OSBPL11: variants seen among roughly 807,000 people sequenced by gnomAD.
The protein encoded by OSBPL11 is oxysterol binding protein like 11.
OSBPL11 carries 33 observed loss-of-function variants against 84.4 expected under a neutral mutation model. The observed-to-expected ratio is 0.39, with a 90% CI of 0.30 to 0.52. The LOEUF is 0.52. Ranked by LOEUF, OSBPL11 falls within the 20% of genes least tolerant of loss-of-function variation. The pLI is 0.72. For synonymous variants in OSBPL11, 276 were observed against 310.2 expected (o/e 0.89, Z 1.16); for missense variants, 736 against 901.1 (o/e 0.82, Z 2.35).
At chr3:125,538,664 C>T (rs1361143358) in intron 10 of OSBPL11, 31 bp from the exon 11 acceptor site, 1 of 1,558,982 alleles carries the variant, frequency 6.4e-7, no homozygotes, top group South Asian at 1.2e-5. Flanking sequence ...AAGATATGCT[C>T]TAATAAGTGA....
chr3:125,534,228 A>T (rs894598760), intron 11 of OSBPL11, among the ~76,000 whole-genome samples: 2 of 151,998 alleles, frequency 1.3e-5, no homozygotes, highest in African/African-American at 2.4e-5. Flanking sequence ...TAAAAATATA[A>T]AAAAATTAGC....
At chr3:125,545,623 T>G (rs35077020) in intron 10 of OSBPL11, among the ~76,000 whole-genome samples, 10,167 of 152,088 alleles carry the variant, frequency 0.067, 459 homozygotes, top group Non-Finnish European at 0.098. Context: ...TATATATGTG[T>G]GTGTGTGTGC....
intron 4 of OSBPL11, among the ~76,000 whole-genome samples, chr3:125,577,460 C>T (rs1936342315): frequency 6.6e-6 from 1 of 152,054 alleles, no homozygotes; most frequent in African/African-American, 2.4e-5. Context: ...AATAAGATTC[C>T]ACTTCATATC....
In OSBPL11 at chr3:125,560,395, C is replaced by A. The variant is rs1936058313; in HGVS notation, c.1139G>T (p.Gly380Val). Residue 380 changes from glycine (G) to valine (V), a missense_variant, in exon 8 of 13, where the codon GGC becomes GTC. Physicochemically the swap from Gly to Val is moderately radical, Grantham distance 109. Coordinates refer to ENST00000296220, the MANE Select transcript of OSBPL11 (RefSeq NM_022776.5). ...ATTACTTACTCTTGTTAAATCCATGCCCAGCTTAAGCTGTGACAAGAGATG... is the reference window on the plus strand; with the variant it reads ...ATTACTTACTCTTGTTAAATCCATGACCAGCTTAAGCTGTGACAAGAGATG... ...ILHLLSQLKLGMDLTRVVLPT... is the reference protein window; with the variant it reads ...ILHLLSQLKLVMDLTRVVLPT... The A allele has an allele frequency of 6.4e-7, 1 of 1,569,308 alleles. No homozygotes were observed. Among genetic ancestry groups the A allele is most frequent in the Non-Finnish European group, 8.7e-7 (1 of 1,154,010 alleles).
chr3:125,538,397 GATTAA>G, intron 11 of OSBPL11, 49 bp downstream of exon 11: 1 of 1,545,302 alleles, frequency 6.5e-7, no homozygotes, highest in Non-Finnish European at 8.8e-7. Flanking sequence ...AAAAGGCTTA[GATTAA>G]GATGCAGAGC....
chr3:125,535,855 G>A (rs555630036), intron 11 of OSBPL11, among the ~76,000 whole-genome samples: 5 of 151,928 alleles, frequency 3.3e-5, no homozygotes, highest in East Asian at 1.9e-4. Flanking sequence ...AATCTGGGCC[G>A]GGCATGGTGG....
Position 125,530,212 on chromosome 3 carries a change from T to C in OSBPL11, c.*303A>G, listed in dbSNP as rs1378253305. 1.2e-5 allele frequency: 4 copies of C among 325,238 alleles called. No homozygotes were observed. The highest frequency in any genetic ancestry group is 2.1e-5 in the African/African-American group (1 of 48,272). 20.1% of individuals were successfully genotyped at this position (325,238 alleles called of 1,614,324 possible). ...TGTATCTGCTGCCCCTGTGCAAAAA[T>C]AGGGGATTCAAACTTAACTTTAGGA... On this transcript the variant is annotated 3_prime_UTR_variant, in exon 13 of 13. Coordinates refer to ENST00000296220, the MANE Select transcript of OSBPL11 (RefSeq NM_022776.5).
chr3:125,585,857 T>C (rs368861947), intron 1 of OSBPL11, among the ~76,000 whole-genome samples: 1 of 152,202 alleles, frequency 6.6e-6, no homozygotes, highest in African/African-American at 2.4e-5. Context: ...GAACATCTGA[T>C]TCACACTTTC....
At chr3:125,579,142 T>C in intron 3 of OSBPL11, 103 bp from the exon 4 acceptor site, 1 of 788,132 alleles carries the variant, frequency 1.3e-6, no homozygotes, top group Non-Finnish European at 1.9e-6. Flanking sequence ...ATACTGGTCT[T>C]ACTCTCACTA....
Position 125,562,593 on chromosome 3 carries a change from G to A in OSBPL11, c.1014+1105C>T, listed in dbSNP as rs536965481. Among the ~76,000 whole-genome samples, 60 of 152,192 alleles carry A rather than the reference G, an allele frequency of 3.9e-4. 1 individual carries two copies. The South Asian group carries it at 0.012, about 32-fold the overall frequency. On this transcript the variant is annotated intron_variant, in intron 7 of 12. Transcript: ENST00000296220. ...TATGCATTACTCTTGACTCAGTAAT[G>A]CTACTTGGTAATATAACTTAAAGAG...
rs200506259 is a variant in OSBPL11 at position 125,547,534 on chromosome 3, A to G, written c.1713T>C (p.Tyr571=). 1.9e-6 allele frequency: 3 copies of G among 1,613,916 alleles called. No homozygotes were observed. The highest frequency in any genetic ancestry group is 4.5e-5 in the East Asian group (2 of 44,868). The change falls in exon 10 of 13, where the codon TAT becomes TAC. Residue 571 remains tyrosine, a synonymous_variant. Coordinates refer to ENST00000296220, the MANE Select transcript of OSBPL11 (RefSeq NM_022776.5). ...EEYTFSLPCA[Y]ARSILTVPWV... is the part of the protein sequence containing the mutation. ...AAGGAACAGTCAAAATTGACCGAGCATATGCACAGGGTAGAGAAAATGTGT... is the reference window on the plus strand; with the variant it reads ...AAGGAACAGTCAAAATTGACCGAGCGTATGCACAGGGTAGAGAAAATGTGT...
At position 125,582,992 on chromosome 3, in the gene OSBPL11, A is replaced by G. The variant is rs1936450788; in HGVS notation, c.165-14T>C. 1 of 1,563,964 alleles carries G rather than the reference A, an allele frequency of 6.4e-7. No individual in the cohort carries two copies. Among genetic ancestry groups the G allele is most frequent in the Non-Finnish European group, 8.6e-7 (1 of 1,159,398 alleles). ...TCCATGTGATCACTATTTCAAAATG[A>G]AAAAGCCAAAGTTAGTAAAAATTAG... On this transcript the variant is annotated splice_polypyrimidine_tract_variant and intron_variant, in intron 1 of 12. Coordinates refer to ENST00000296220, the MANE Select transcript of OSBPL11 (RefSeq NM_022776.5).
intron 8 of OSBPL11, 51 bp from the exon 9 acceptor site, chr3:125,552,730 T>C: frequency 6.5e-7 from 1 of 1,549,666 alleles, no homozygotes; most frequent in Non-Finnish European, 8.7e-7. Context: ...GTGTAGCATA[T>C]CTGTAGACAA....
intron 1 of OSBPL11, among the ~76,000 whole-genome samples, chr3:125,583,653 G>A (rs1025602188): frequency 6.7e-6 from 1 of 149,960 alleles, no homozygotes; most frequent in Non-Finnish European, 1.5e-5. Context: ...CACTTTGGGA[G>A]ATCAAGATAG....
chr3:125,564,182 T>C (rs1001995136), intron 6 of OSBPL11, among the ~76,000 whole-genome samples: 2 of 152,212 alleles, frequency 1.3e-5, no homozygotes, highest in African/African-American at 2.4e-5. Flanking sequence ...TTAAAAAATA[T>C]GCAATTAGGC....
At chr3:125,533,075 T>A (rs1226049831) in intron 11 of OSBPL11, among the ~76,000 whole-genome samples, 1 of 152,042 alleles carries the variant, frequency 6.6e-6, no homozygotes. Context: ...TACGGTAGGA[T>A]GAAAATATTC....
chr3:125,568,106 A>G (rs1936187785), intron 5 of OSBPL11, among the ~76,000 whole-genome samples: 1 of 151,700 alleles, frequency 6.6e-6, no homozygotes, highest in Non-Finnish European at 1.5e-5. Flanking sequence ...AAAGATTGTT[A>G]TCTAAGGCAG....
Position 125,552,604 on chromosome 3 carries a change from G to C in OSBPL11, c.1231C>G (p.Leu411Val), listed in dbSNP as rs768176265. 6.2e-7 allele frequency: 1 copy of C among 1,614,088 alleles called. No individual in the cohort carries two copies. The highest frequency in any genetic ancestry group is 8.5e-7 in the Non-Finnish European group (1 of 1,179,988). Residue 411 changes from leucine to valine, a missense_variant, in exon 9 of 13, where the codon CTA becomes GTA. Physicochemically the swap from Leu to Val is conservative, Grantham distance 32 (BLOSUM62 1). Transcript: ENST00000296220. ...MYADFMSHPDLFIAITNGATA... is the reference protein window; with the variant it reads ...MYADFMSHPDVFIAITNGATA... ...GCTCCATTAGTGATGGCTATAAATA[G>C]GTCTGGATGAGACATAAAGTCTGCA...
chr3:125,539,095 A>T (rs1257138426), intron 10 of OSBPL11, among the ~76,000 whole-genome samples: 1 of 151,608 alleles, frequency 6.6e-6, no homozygotes, highest in Admixed American at 6.6e-5. Flanking sequence ...ACTAAACCAC[A>T]TAAGCCTAAT....
Sources: gnomAD v4.1 joint callset for allele counts (sites outside exome capture counted in the v4.1 genomes callset) on GRCh38, gnomAD v4.1.1 for gene constraint, MANE v1.5 for transcripts, NCBI Gene and HGNC (gene_info 2026-07-23, HGNC 2026-07-21) for gene names.